EYS: variants seen among roughly 807,000 people sequenced by gnomAD.
EYS encodes the protein protein eyes shut homolog.
EYS carries 250 observed loss-of-function variants against 282.1 expected under a neutral mutation model. The observed-to-expected ratio is 0.89, with a 90% CI of 0.80 to 0.98. The LOEUF is 0.98. EYS is among the 50% of genes least tolerant of loss of function. The pLI is 0.00. For missense variants in EYS, 4,016 were observed against 3,709.0 expected (o/e 1.08, Z -2.15); for synonymous variants, 1,355 against 1,282.9 (o/e 1.06, Z -1.20).
At chr6:65,144,133 T>TAA (rs1764415916) in intron 12 of EYS, among the ~76,000 whole-genome samples, 1 of 152,098 alleles carries the variant, frequency 6.6e-6, no homozygotes, top group African/African-American at 2.4e-5. Context: ...TGGAGGAATA[T>TAA]AACCTGAGCA....
At position 64,230,732 on chromosome 6, in the gene EYS, G is replaced by A. The variant is rs200374024; in HGVS notation, c.6284C>T (p.Pro2095Leu). 1.2e-3 allele frequency: 1,873 copies of A among 1,551,570 alleles called. 3 individuals are homozygous for A. Among genetic ancestry groups the A allele is most frequent in the Non-Finnish European group, 1.5e-3 (1,750 of 1,146,902 alleles). ...GCACACAGAGGGTGCTGCAACAGAG[G>A]GGCTGACAGAAGTCCACATGGTATC... ...GVDTMWTSVS[P>L]SVAAPSVCQQ... is the part of the protein sequence containing the mutation. Residue 2095 changes from proline to leucine, a missense_variant, in exon 31 of 43, where the codon CCC becomes CTC. Coordinates refer to ENST00000503581, the MANE Select transcript of EYS (RefSeq NM_001142800.2).
At chr6:64,001,947 T>C (rs753432043) in intron 33 of EYS, among the ~76,000 whole-genome samples, 1 of 152,184 alleles carries the variant, frequency 6.6e-6, no homozygotes. Flanking sequence ...CCTGAGAAAC[T>C]AAATGAGAAT....
At chr6:64,627,532 G>A (rs1424289647) in intron 22 of EYS, among the ~76,000 whole-genome samples, 2 of 152,140 alleles carry the variant, frequency 1.3e-5, no homozygotes, top group Admixed American at 6.5e-5. Flanking sequence ...CTTTACCAAA[G>A]TCACAAGACA....
Position 65,621,356 on chromosome 6 carries a change from G to T in EYS, c.-333+18422C>A, listed in dbSNP as rs12183234. On this transcript the variant is annotated intron_variant, in intron 2 of 42. Transcript: ENST00000503581. The stretch of plus-strand genomic sequence containing the variant: ...CTTTGTTGGTTTAAAGTCTGTTTTA[G>T]CAGAGACTAGGATTGCAACCCCTGC... Among the ~76,000 whole-genome samples the T allele has an allele frequency of 9.5e-4, 144 of 151,566 alleles. 1 individual carries two copies. Among genetic ancestry groups the T allele is most frequent in the African/African-American group, 2.1e-3 (87 of 41,290 alleles).
chr6:64,496,308 T>C (rs745500489), intron 26 of EYS, among the ~76,000 whole-genome samples: 33 of 152,084 alleles, frequency 2.2e-4, no homozygotes, highest in Admixed American at 5.9e-4. Context: ...ACAACTGGAT[T>C]ATAGTTTAGT....
intron 26 of EYS, among the ~76,000 whole-genome samples, chr6:64,551,968 C>T (rs751774002): frequency 3.9e-5 from 6 of 152,102 alleles, no homozygotes; most frequent in Non-Finnish European, 5.9e-5. Context: ...AAATCCACAG[C>T]GATATTGGGC....
chr6:64,399,069 T>A (rs1561972933), intron 28 of EYS, among the ~76,000 whole-genome samples: 1 of 151,870 alleles, frequency 6.6e-6, no homozygotes, highest in African/African-American at 2.4e-5. Context: ...AAAAAGTTTG[T>A]ACTGTTTTAT....
At chr6:64,584,195 T>C (rs1462282457) in intron 26 of EYS, among the ~76,000 whole-genome samples, 1 of 151,904 alleles carries the variant, frequency 6.6e-6, no homozygotes, top group Non-Finnish European at 1.5e-5. Flanking sequence ...GTAAAGCATG[T>C]AAAAAATAAA....
intron 26 of EYS, among the ~76,000 whole-genome samples, chr6:64,510,321 A>C (rs2150518457): frequency 6.6e-6 from 1 of 152,236 alleles, no homozygotes; most frequent in South Asian, 2.1e-4. Context: ...TATTAGCAAA[A>C]ATGTTGAAAA....
chr6:64,430,173 GT>G (rs1210798340), intron 28 of EYS, among the ~76,000 whole-genome samples: 1 of 152,064 alleles, frequency 6.6e-6, no homozygotes, highest in Non-Finnish European at 1.5e-5. Flanking sequence ...TAGTGATAAT[GT>G]TTCCATTGTC....
intron 22 of EYS, among the ~76,000 whole-genome samples, chr6:64,785,680 T>C (rs1773993365): frequency 6.6e-6 from 1 of 152,226 alleles, no homozygotes; most frequent in South Asian, 2.1e-4. Context: ...CATAACCTGA[T>C]AGCTACCAGT....
chr6:65,358,566 G>C (rs563175622), intron 8 of EYS, among the ~76,000 whole-genome samples: 2 of 150,806 alleles, frequency 1.3e-5, no homozygotes, highest in South Asian at 2.1e-4. Context: ...CCATGAGAGA[G>C]AGAAATGATC....
intron 14 of EYS, among the ~76,000 whole-genome samples, chr6:64,946,516 T>C (rs2150096521): frequency 6.6e-6 from 1 of 152,094 alleles, no homozygotes; most frequent in South Asian, 2.1e-4. Context: ...AGAAACACTT[T>C]AAATTACTCT....
At chr6:65,547,148 C>T (rs1054093049) in intron 2 of EYS, among the ~76,000 whole-genome samples, 12 of 151,306 alleles carry the variant, frequency 7.9e-5, no homozygotes, top group African/African-American at 2.9e-4. Context: ...GTCTTATCTA[C>T]TTCCTGCCAC....
chr6:64,708,300 T>G (rs1771099787), intron 22 of EYS, among the ~76,000 whole-genome samples: 1 of 152,220 alleles, frequency 6.6e-6, no homozygotes, highest in Admixed American at 6.5e-5. Flanking sequence ...TAAGACACTT[T>G]ATATCCAAAG....
intron 22 of EYS, among the ~76,000 whole-genome samples, chr6:64,683,174 G>T (rs1329764270): frequency 6.6e-6 from 1 of 152,054 alleles, no homozygotes; most frequent in Non-Finnish European, 1.5e-5. Flanking sequence ...TTTATAAAAA[G>T]AATCCAAAGG....
intron 22 of EYS, among the ~76,000 whole-genome samples, chr6:64,681,821 A>G (rs1583033936): frequency 3.3e-5 from 5 of 152,142 alleles, no homozygotes. Context: ...GTGCTACGGG[A>G]AGAGTACTTG....
At chr6:64,419,537 T>A (rs896550649) in intron 28 of EYS, among the ~76,000 whole-genome samples, 6 of 152,164 alleles carry the variant, frequency 3.9e-5, no homozygotes, top group Admixed American at 6.5e-5. Context: ...TATGAGCCTA[T>A]AAAATCAAAA....
intron 19 of EYS, among the ~76,000 whole-genome samples, chr6:64,873,298 A>G (rs1766649854): frequency 6.6e-6 from 1 of 151,986 alleles, no homozygotes; most frequent in African/African-American, 2.4e-5. Flanking sequence ...CACGGGAAAG[A>G]CCCATCCCCA....
Sources: gnomAD v4.1 joint callset for allele counts (sites outside exome capture counted in the v4.1 genomes callset) on GRCh38, gnomAD v4.1.1 for gene constraint, MANE v1.5 for transcripts, NCBI Gene and HGNC (gene_info 2026-07-23, HGNC 2026-07-21) for gene names.